Variants in EPB41 observed in about 807,000 individuals in gnomAD.
EPB41 encodes the protein erythrocyte membrane protein band 4.1, also known as protein 4.1.
EPB41 carries 65 observed loss-of-function variants against 108.0 expected under a neutral mutation model. That is an observed-to-expected ratio of 0.60 (90% confidence interval 0.49 to 0.74). The LOEUF (loss-of-function observed/expected upper bound fraction) is 0.74, where lower values mean the gene tolerates loss of function less well. Among genes scored for constraint, EPB41 ranks in the 30% least tolerant of loss-of-function variants. The probability of loss-of-function intolerance (pLI) is 0.00; values close to 1 mark genes in which losing one functional copy is unlikely to be tolerated. For synonymous variants in EPB41, 336 were observed against 358.9 expected, an observed-to-expected ratio of 0.94 and a Z score of 0.72; for missense variants, 875 against 1,037.0, an observed-to-expected ratio of 0.84 and a Z score of 2.15.
intron 16 of EPB41, chr1:29,096,247 G>C (rs1039873009): frequency 2.0e-6 from 2 of 985,800 alleles, no homozygotes; most frequent in Non-Finnish European, 1.2e-6. Flanking sequence ...CCAAGCATTC[G>C]GTAGTTCCTA....
At chr1:28,928,119 A>G (rs975255952) in intron 1 of EPB41, among the ~76,000 whole-genome samples, 1 of 152,016 alleles carries the variant, frequency 6.6e-6, no homozygotes, top group Non-Finnish European at 1.5e-5. Flanking sequence ...GTACAGAGTT[A>G]CTATTATGCT....
intron 1 of EPB41, among the ~76,000 whole-genome samples, chr1:28,955,205 G>C (rs2094896222): frequency 6.6e-6 from 1 of 152,168 alleles, no homozygotes; most frequent in Non-Finnish European, 1.5e-5. Flanking sequence ...ATTTGTACAA[G>C]AACTAAGGAA....
At chr1:28,983,416 C>CA (rs2095801929) in intron 1 of EPB41, among the ~76,000 whole-genome samples, 1 of 152,160 alleles carries the variant, frequency 6.6e-6, no homozygotes, top group Non-Finnish European at 1.5e-5. Flanking sequence ...GCTTCCTACT[C>CA]AAAATGTGCT....
At chr1:28,937,533 G>T (rs1341119981) in intron 1 of EPB41, among the ~76,000 whole-genome samples, 3 of 152,120 alleles carry the variant, frequency 2.0e-5, no homozygotes, top group South Asian at 4.1e-4. Flanking sequence ...TAGATGGGAT[G>T]ACAGGCATGG....
intron 18 of EPB41, among the ~76,000 whole-genome samples, chr1:29,110,218 G>A (rs1276477036): frequency 6.6e-6 from 1 of 151,542 alleles, no homozygotes; most frequent in African/African-American, 2.4e-5. Context: ...AATGGCGCAT[G>A]CCTGTGGTCC....
At chr1:29,091,977 A>C (rs558399541) in intron 16 of EPB41, among the ~76,000 whole-genome samples, 1 of 152,078 alleles carries the variant, frequency 6.6e-6, no homozygotes, top group East Asian at 1.9e-4. Context: ...CTGGTTTACA[A>C]GTTAAGGAGC....
chr1:29,069,667 TAAA>T (rs1209369059), intron 16 of EPB41: 1 of 168,328 alleles, frequency 5.9e-6, no homozygotes, highest in African/African-American at 2.4e-5. Flanking sequence ...ATATTTGTAA[TAAA>T]AGTAACTTTT....
upstream of EPB41, among the ~76,000 whole-genome samples, chr1:28,913,382 G>A (rs1439112138): frequency 6.6e-6 from 1 of 152,294 alleles, no homozygotes; most frequent in East Asian, 1.9e-4. Context: ...AGGTTGCAGT[G>A]AGCCGAGATT....
intron 11 of EPB41, among the ~76,000 whole-genome samples, chr1:29,042,913 C>T (rs547492759): frequency 1.1e-4 from 17 of 152,150 alleles, no homozygotes; most frequent in African/African-American, 9.6e-5. Flanking sequence ...TTTCATAAGA[C>T]GTGACATCTG....
intron 1 of EPB41, among the ~76,000 whole-genome samples, chr1:28,936,148 C>A (rs559195687): frequency 6.6e-6 from 1 of 152,194 alleles, no homozygotes; most frequent in South Asian, 2.1e-4. Flanking sequence ...TAGCTTTTTG[C>A]ATTTATTAGA....
rs564168048 is a variant in EPB41 at position 28,936,383 on chromosome 1, C to T, written c.-8+21615C>T. On this transcript the variant is annotated intron_variant, in intron 1 of 20. Coordinates refer to ENST00000343067, the MANE Select transcript of EPB41 (RefSeq NM_001376013.1). Reference sequence around the variant, plus strand: ...TTTTCACATATGCAGCTGCTTCATGCCCTATCCCCTAACTTGTATCCTAAA... The same window carrying T: ...TTTTCACATATGCAGCTGCTTCATGTCCTATCCCCTAACTTGTATCCTAAA... 1.1e-4 allele frequency among the ~76,000 whole-genome samples: 16 copies of T among 143,550 alleles called. No homozygotes were observed. The East Asian group carries it at 3.4e-3, about 31-fold the overall frequency. 94.2% of individuals were successfully genotyped at this position (143,550 alleles called of 152,430 possible).
chr1:28,930,150 CT>C (rs772932485), intron 1 of EPB41, among the ~76,000 whole-genome samples: 13,095 of 122,624 alleles, frequency 0.11, 860 homozygotes, highest in East Asian at 0.28. Flanking sequence ...ATGTTGCTTC[CT>C]TTTTTTTTTT....
chr1:29,028,368 A>G (rs2096748175), intron 7 of EPB41, among the ~76,000 whole-genome samples: 1 of 152,066 alleles, frequency 6.6e-6, no homozygotes, highest in Non-Finnish European at 1.5e-5. Flanking sequence ...GAACCACTGG[A>G]CTATCAGAAA....
At position 28,917,039 on chromosome 1, in the gene EPB41, C is replaced by T. The variant is rs1268928700; in HGVS notation, c.-8+2271C>T. 4.6e-5 allele frequency among the ~76,000 whole-genome samples: 7 copies of T among 152,064 alleles called. No individual in the cohort carries two copies. In the East Asian group the frequency reaches 1.4e-3, roughly 29 times the overall value. On this transcript the variant is annotated intron_variant, in intron 1 of 20. Coordinates refer to ENST00000343067, the MANE Select transcript of EPB41 (RefSeq NM_001376013.1). ...TTCCTGGACTCAAGAGATCCTCCTC[C>T]CTGGGCCTCCCAAAGTGCTGGGATT...
chr1:29,060,817 C>T (rs1187398605), intron 15 of EPB41, among the ~76,000 whole-genome samples: 2 of 152,094 alleles, frequency 1.3e-5, no homozygotes, highest in Non-Finnish European at 2.9e-5. Context: ...TATAAACTTC[C>T]ATATGTCCCA....
intron 1 of EPB41, among the ~76,000 whole-genome samples, chr1:28,934,288 G>T (rs2093886938): frequency 6.6e-6 from 1 of 152,140 alleles, no homozygotes; most frequent in East Asian, 1.9e-4. Context: ...CTATCAATAT[G>T]ACTTATCACT....
At chr1:28,902,459 T>C (rs2091406205) in intron 1 of EPB41, 10 of 879,436 alleles carry the variant, frequency 1.1e-5, no homozygotes, top group Non-Finnish European at 1.4e-5. Flanking sequence ...AGAGCTGTGC[T>C]AGACACTGGG....
At chr1:29,017,217 T>G (rs986699331) in intron 6 of EPB41, among the ~76,000 whole-genome samples, 2 of 152,256 alleles carry the variant, frequency 1.3e-5, no homozygotes, top group Non-Finnish European at 2.9e-5. Flanking sequence ...TTTAAAATTT[T>G]TGTGCCTTGT....
intron 1 of EPB41, among the ~76,000 whole-genome samples, chr1:28,947,139 C>T (rs377362734): frequency 7.2e-5 from 11 of 152,234 alleles, no homozygotes; most frequent in Admixed American, 2.6e-4. Flanking sequence ...ATCTCTTGGC[C>T]GGGCTGGGTG....
Sources: gnomAD v4.1 joint callset for allele counts (sites outside exome capture counted in the v4.1 genomes callset) on GRCh38, gnomAD v4.1.1 for gene constraint, MANE v1.5 for transcripts, NCBI Gene and HGNC (gene_info 2026-07-23, HGNC 2026-07-21) for gene names.